PPFIA4: variants seen among roughly 807,000 people sequenced by gnomAD.
PPFIA4 encodes the protein PPFI scaffold protein A4.
Under a neutral mutation model 145.7 loss-of-function variants are expected in PPFIA4, and 98 were observed. The ratio of observed to expected loss-of-function variants is 0.67; its 90% confidence interval spans 0.57 to 0.80. PPFIA4 has a LOEUF of 0.80. PPFIA4 is among the 30% of genes least tolerant of loss of function. The probability of loss-of-function intolerance (pLI) is 0.00; values close to 1 mark genes in which losing one functional copy is unlikely to be tolerated. For missense variants in PPFIA4, 1,457 were observed against 1,632.7 expected, an observed-to-expected ratio of 0.89 and a Z score of 1.85; for synonymous variants, 628 against 649.6, an observed-to-expected ratio of 0.97 and a Z score of 0.51.
At chr1:203,032,752 C>T (rs1658945621) in intron 1 of PPFIA4, among the ~76,000 whole-genome samples, 1 of 151,870 alleles carries the variant, frequency 6.6e-6, no homozygotes, top group Non-Finnish European at 1.5e-5. Flanking sequence ...CGGCCTTCCC[C>T]ATTAGTTTTG....
chr1:203,060,830 G>A lies in PPFIA4; in HGVS notation c.2785-140G>A, dbSNP rs985681747. ...CCCTGGGGTGGAGTCTTTCATTGTC[G>A]GCCATCTCCATGATTGAGACCAGCC... On this transcript the variant is annotated intron_variant, in intron 22 of 29. Coordinates refer to ENST00000295706, the MANE Select transcript of PPFIA4 (RefSeq NM_001304331.2). This position sits in a 1 kb window ranked among gnomAD's most constrained non-coding sequence, Gnocchi z 4.8. The A allele has an allele frequency of 3.7e-5, 27 of 734,788 alleles. No homozygotes were observed. Among genetic ancestry groups the A allele is most frequent in the Non-Finnish European group, 5.7e-5 (24 of 423,948 alleles). 45.5% of individuals were successfully genotyped at this position (734,788 alleles called of 1,614,324 possible).
chr1:203,044,283 C>T (rs1571681158), intron 4 of PPFIA4, 96 bp from the exon 5 acceptor site: 2 of 1,260,904 alleles, frequency 1.6e-6, no homozygotes, highest in East Asian at 2.5e-5. Flanking sequence ...CCTTCACTGT[C>T]CTCATGCTCA....
rs997075418 is a variant in PPFIA4, at chr1:203,048,766, C to CG, written c.1356+58dup. 7.0e-4 allele frequency: 260 copies of CG among 372,592 alleles called. 1 individual carries two copies. The highest frequency in any genetic ancestry group is 6.4e-3 in the Admixed American group (85 of 13,252). 23.1% of individuals were successfully genotyped at this position (372,592 alleles called of 1,614,324 possible). A position where few individuals can be genotyped will look rare whatever the true frequency, so the allele number is the denominator to read the frequency against. Reference sequence around the variant, plus strand: ...CGAGAGGTTAGTGCTGGGTGTGGGGCGGGGGGAGGCGGGACTGTGATGGGC... The same window carrying CG: ...CGAGAGGTTAGTGCTGGGTGTGGGGCGGGGGGGAGGCGGGACTGTGATGGGC... On this transcript the variant is annotated intron_variant, in intron 11 of 29. Coordinates refer to ENST00000295706, the MANE Select transcript of PPFIA4 (RefSeq NM_001304331.2). The surrounding 1 kb of genome is among the most constrained non-coding windows in gnomAD (Gnocchi z 5.8).
At chr1:203,066,286 G>A (rs987415141) in intron 25 of PPFIA4, among the ~76,000 whole-genome samples, 1 of 152,212 alleles carries the variant, frequency 6.6e-6, no homozygotes. Flanking sequence ...GGCCAGAAAA[G>A]GGTTCCTGGA....
rs1180212464 is a variant in PPFIA4 at position 203,051,885 on chromosome 1, G to A, written c.1620+8G>A. The A allele has an allele frequency of 5.6e-6, 9 of 1,612,424 alleles. No homozygotes were observed. Among genetic ancestry groups the A allele is most frequent in the South Asian group, 5.5e-5 (5 of 90,646 alleles). ...AGGGAAGAGTCTGCCAAGGTGAGGG[G>A]GTGGAGGGATCTCCTCAGGGAGTTT... On this transcript the variant is annotated splice_region_variant and intron_variant, in intron 14 of 29. Transcript: ENST00000295706.
At chr1:203,028,072 TAATG>T (rs1658539590) in intron 1 of PPFIA4, among the ~76,000 whole-genome samples, 1 of 152,168 alleles carries the variant, frequency 6.6e-6, no homozygotes, top group Non-Finnish European at 1.5e-5. Context: ...AGTAAGGAGA[TAATG>T]AATGACAAAA....
rs1478926175 is a variant in PPFIA4 at position 203,048,505 on chromosome 1, G to A, written c.1225-78G>A. 2.6e-6 allele frequency: 4 copies of A among 1,543,298 alleles called. No homozygotes were observed. Among genetic ancestry groups the A allele is most frequent in the African/African-American group, 1.4e-5 (1 of 72,908 alleles). On this transcript the variant is annotated intron_variant, in intron 10 of 29. Transcript: ENST00000295706. This position sits in a 1 kb window ranked among gnomAD's most constrained non-coding sequence, Gnocchi z 5.8. ...CTCCCAGAGGATGAGAAGAGGACAG[G>A]GGAGGGAGTCAAACCCCAGCAGGAG... is the stretch of plus-strand genomic sequence containing the variant.
At chr1:203,054,671 G>GACACAC (rs57027876) in intron 15 of PPFIA4, among the ~76,000 whole-genome samples, 8,644 of 148,336 alleles carry the variant, frequency 0.058, 256 homozygotes, top group Non-Finnish European at 0.067. Flanking sequence ...TTACAAAGAA[G>GACACAC]ACACACACAC....
rs746043857 is a variant in PPFIA4 at position 203,039,117 on chromosome 1, C to T, written c.109C>T (p.Arg37Trp). The stretch of plus-strand genomic sequence containing the variant: ...GCTGATGGTGAACATGCTGGACGAG[C>T]GGGAGAAGTTGCTGGAGTCTCTTCG... ...EQLMVNMLDE[R>W]EKLLESLRES... is the part of the protein sequence containing the mutation. Residue 37 changes from arginine to tryptophan, a missense_variant, in exon 2 of 30, where the codon CGG becomes TGG. Physicochemically the swap from Arg to Trp is moderately radical, Grantham distance 101. Around this residue, in one of 3 missense-constraint regions of PPFIA4, gnomAD observed 463 missense variants for 459.8 expected, o/e 1.01. Transcript: ENST00000295706. The T allele has an allele frequency of 4.4e-6, 7 of 1,607,878 alleles. No individual in the cohort carries two copies. The highest frequency in any genetic ancestry group is 1.7e-5 in the Admixed American group (1 of 59,248).
intron 14 of PPFIA4, among the ~76,000 whole-genome samples, chr1:203,052,145 C>A (rs1164653853): frequency 1.0e-4 from 15 of 148,650 alleles, no homozygotes; most frequent in Admixed American, 9.4e-4. Context: ...TGTGCGTGTG[C>A]CTGGGCGTGC....
chr1:203,056,460 G>A lies in PPFIA4; in HGVS notation c.2192G>A (p.Arg731Gln), dbSNP rs373867245. 20 of 1,613,968 alleles carry A rather than the reference G, an allele frequency of 1.2e-5. No individual in the cohort carries two copies. Among genetic ancestry groups the A allele is most frequent in the Admixed American group, 5.0e-5 (3 of 60,008 alleles). ...TSPPSSPRTL[R>Q]LEKLGHPALS... ...CCTCCTTCCTCACCCAGGACGCTGC[G>A]GCTAGAGAAGCTTGGCCACCCAGCC... Residue 731 changes from arginine to glutamine, a missense_variant, in exon 18 of 30, where the codon CGG becomes CAG. Around this residue, in one of 3 missense-constraint regions of PPFIA4, gnomAD observed 848 missense variants for 1,046.7 expected, o/e 0.81. Transcript: ENST00000295706.
intron 1 of PPFIA4, chr1:203,034,506 A>C (rs1225458158): frequency 4.4e-6 from 2 of 456,422 alleles, no homozygotes; most frequent in South Asian, 1.5e-5. Context: ...CCCAAGGACG[A>C]GGGCTCCGAA....
chr1:203,063,591 A>T (rs1303889994), intron 24 of PPFIA4: 1 of 456,854 alleles, frequency 2.2e-6, no homozygotes, highest in Non-Finnish European at 3.9e-6. Flanking sequence ...TAGTGTAGAT[A>T]ATTGATATGT....
At chr1:203,054,009 G>T in intron 15 of PPFIA4, 48 bp downstream of exon 15, 2 of 1,533,746 alleles carry the variant, frequency 1.3e-6, no homozygotes, top group Non-Finnish European at 8.8e-7. Context: ...AGGGCAGGGG[G>T]GCCCTTTGTG....
Position 203,043,616 on chromosome 1 carries a change from C to A in PPFIA4, c.336+118C>A. The A allele has an allele frequency of 1.1e-6, 1 of 937,466 alleles. No individual in the cohort carries two copies. Among genetic ancestry groups the A allele is most frequent in the Non-Finnish European group, 1.6e-6 (1 of 607,366 alleles). 58.1% of individuals were successfully genotyped at this position (937,466 alleles called of 1,614,324 possible). A position where few individuals can be genotyped will look rare whatever the true frequency, so the allele number is the denominator to read the frequency against. On this transcript the variant is annotated intron_variant, in intron 3 of 29. Coordinates refer to ENST00000295706, the MANE Select transcript of PPFIA4 (RefSeq NM_001304331.2). The surrounding 1 kb of genome is among the most constrained non-coding windows in gnomAD (Gnocchi z 4.4). ...AGAGTGGGGCCAGGCACAGTCCTAGCTCAAGCCCCATCCTTCCCTCTTCCT... is the reference window on the plus strand; with the variant it reads ...AGAGTGGGGCCAGGCACAGTCCTAGATCAAGCCCCATCCTTCCCTCTTCCT...
chr1:203,059,983 T>C (rs1317121536), intron 21 of PPFIA4, 132 bp downstream of exon 21: 5 of 834,906 alleles, frequency 6.0e-6, no homozygotes, highest in Non-Finnish European at 9.9e-6. Context: ...ATACCTAGCA[T>C]TTAGCCCCCC....
chr1:203,077,041 C>G lies in PPFIA4; in HGVS notation c.*651C>G, dbSNP rs1170865031. 6 of 152,592 alleles carry G rather than the reference C, an allele frequency of 3.9e-5. No homozygotes were observed. The East Asian group carries it at 9.7e-4, about 25-fold the overall frequency. 9.5% of individuals were successfully genotyped at this position (152,592 alleles called of 1,614,324 possible). A position where few individuals can be genotyped will look rare whatever the true frequency, so the allele number is the denominator to read the frequency against. On this transcript the variant is annotated 3_prime_UTR_variant, in exon 30 of 30. Transcript: ENST00000295706. ...AAGACTGAGGTAGAGATTCCAGGCC[C>G]TGGCATAAGCTGAATCCCAAATTTG... is the stretch of plus-strand genomic sequence containing the variant.
intron 24 of PPFIA4, among the ~76,000 whole-genome samples, chr1:203,062,730 G>C (rs915750299): frequency 1.3e-5 from 2 of 152,152 alleles, no homozygotes; most frequent in Admixed American, 1.3e-4. Context: ...CCTAAAAGAT[G>C]CATGGAATTT....
chr1:203,051,276 A>T (rs753669940), intron 13 of PPFIA4: 287 of 986,034 alleles, frequency 2.9e-4, no homozygotes, highest in Middle Eastern at 1.0e-3. Context: ...CCAGGGACTC[A>T]GTCCAGATTA....
Sources: allele counts gnomAD v4.1 joint callset (sites outside exome capture counted in the v4.1 genomes callset), GRCh38; gene constraint gnomAD v4.1.1; regional missense constraint gnomAD v4.1.1; non-coding constraint Gnocchi (gnomAD v3.1); transcripts MANE v1.5; gene names NCBI Gene and HGNC (gene_info 2026-07-23, HGNC 2026-07-21).